NXPE1: variants seen among roughly 807,000 people sequenced by gnomAD.
NXPE1 encodes the protein NXPE family member 1.
Under a neutral mutation model 33.3 loss-of-function variants are expected in NXPE1, and 31 were observed. The ratio of observed to expected loss-of-function variants is 0.93; its 90% confidence interval spans 0.70 to 1.26. The LOEUF (loss-of-function observed/expected upper bound fraction) is 1.26. NXPE1 is among the 50% of genes most tolerant of loss of function. The probability of loss-of-function intolerance (pLI) is 0.00; values close to 1 mark genes in which losing one functional copy is unlikely to be tolerated. For synonymous variants in NXPE1, 229 were observed against 231.4 expected, an observed-to-expected ratio of 0.99 and a Z score of 0.09; for missense variants, 661 against 655.6, an observed-to-expected ratio of 1.01 and a Z score of -0.09.
intron 3 of NXPE1, 26 bp from the exon 4 acceptor site, chr11:114,551,467 A>G: frequency 2.5e-6 from 3 of 1,187,354 alleles, no homozygotes; most frequent in Non-Finnish European, 2.1e-6. Context: ...AAGTCACCTT[A>G]TAGGTTCTCT....
chr11:114,521,924 T>C (rs779443759), exon 9 of NXPE1: 9 of 1,353,420 alleles, frequency 6.6e-6, no homozygotes, highest in Non-Finnish European at 9.3e-6. Flanking sequence ...TGTGGGATTA[T>C]GTGCAGAGAT....
rs200234387 is a variant in NXPE1, at chr11:114,551,255, C to G, written c.-10-44G>C. On this transcript the variant is annotated intron_variant, in intron 4 of 8. Coordinates refer to ENST00000534921, the Ensembl canonical transcript of NXPE1. Reference sequence around the variant, plus strand: ...GAGAGGAGTCGTGAGAAGTGAATCTCTCTGTACTCACTCATTATTTTATTT... The same window carrying G: ...GAGAGGAGTCGTGAGAAGTGAATCTGTCTGTACTCACTCATTATTTTATTT... 2.4e-4 allele frequency: 319 copies of G among 1,341,878 alleles called. 3 individuals carry two copies. The East Asian group carries it at 7.9e-3, about 33-fold the overall frequency. The allele number at this position is 1,341,878 out of a possible 1,614,324, so 83.1% of individuals were successfully genotyped here.
At chr11:114,534,016 C>T (rs1947693427) in intron 5 of NXPE1, among the ~76,000 whole-genome samples, 1 of 152,218 alleles carries the variant, frequency 6.6e-6, no homozygotes, top group African/African-American at 2.4e-5. Context: ...CCCAAGTAGC[C>T]TAACTGGGAG....
At chr11:114,549,756 G>GAGAC (rs1431177684) in intron 5 of NXPE1, among the ~76,000 whole-genome samples, 2 of 151,970 alleles carry the variant, frequency 1.3e-5, no homozygotes, top group East Asian at 3.8e-4. Context: ...AAAGCAATTC[G>GAGAC]AGACACTGGA....
chr11:114,550,704 T>C (rs1948450744), intron 5 of NXPE1, among the ~76,000 whole-genome samples: 1 of 152,054 alleles, frequency 6.6e-6, no homozygotes, highest in Non-Finnish European at 1.5e-5. Flanking sequence ...AAACATGTTA[T>C]AAGGGAAACA....
chr11:114,548,457 A>G (rs1243861641), intron 5 of NXPE1, among the ~76,000 whole-genome samples: 3 of 152,240 alleles, frequency 2.0e-5, no homozygotes, highest in East Asian at 3.9e-4. Context: ...TGGTAGAAAT[A>G]ATAATAAAGG....
At position 114,552,847 on chromosome 11, in the gene NXPE1, C is replaced by T; in HGVS notation, c.-182+5G>A. 1 of 970,520 alleles carries T rather than the reference C, an allele frequency of 1.0e-6. No homozygotes were observed. The highest frequency in any genetic ancestry group is 1.2e-6 in the Non-Finnish European group (1 of 816,360). 60.1% of individuals were successfully genotyped at this position (970,520 alleles called of 1,614,324 possible). ...AACTTATTCTGTAAAATACTGGGTA[C>T]TTACCCAATAGGTGTCAGGTAGCAC... On this transcript the variant is annotated splice_donor_5th_base_variant and intron_variant, in intron 2 of 8. Transcript: ENST00000534921.
chr11:114,551,017 G>C, intron 5 of NXPE1, 86 bp downstream of exon 5: 1 of 700,396 alleles, frequency 1.4e-6, no homozygotes, highest in Non-Finnish European at 2.5e-6. Flanking sequence ...AGGAGGGGCA[G>C]GACTAATGGA....
At chr11:114,530,420 C>T (rs751501970) in exon 6 of NXPE1, 2 of 1,614,120 alleles carry the variant, frequency 1.2e-6, no homozygotes, top group African/African-American at 2.7e-5. Flanking sequence ...AGCCTTGGTT[C>T]CTTGCCCTCC....
Position 114,528,133 on chromosome 11 carries a change from T to C in NXPE1, c.834-232A>G, listed in dbSNP as rs564352082. On this transcript the variant is annotated intron_variant, in intron 6 of 8. Transcript: ENST00000534921. ...AGCAGCTCTACCGATCTGCCACATG[T>C]AATCAGTGTGTCCTGGAATTTTAGA... 3.9e-5 allele frequency among the ~76,000 whole-genome samples: 6 copies of C among 152,330 alleles called. No individual in the cohort carries two copies. In the Middle Eastern group the frequency reaches 0.014, roughly 345 times the overall value.
intron 5 of NXPE1, 38 bp from the exon 6 acceptor site, chr11:114,530,946 C>T: frequency 6.6e-7 from 1 of 1,525,028 alleles, no homozygotes; most frequent in South Asian, 1.3e-5. Flanking sequence ...ATGAAATTAA[C>T]CTGTCTAATC....
At chr11:114,553,911 T>C (rs1948587360) in intron 1 of NXPE1, 1 of 984,578 alleles carries the variant, frequency 1.0e-6, no homozygotes, top group Non-Finnish European at 1.2e-6. Context: ...TCAAAGGCTA[T>C]AAACAGGATT....
chr11:114,527,962 T>C, intron 6 of NXPE1, 61 bp from the exon 7 acceptor site: 1 of 1,305,642 alleles, frequency 7.7e-7, no homozygotes, highest in Non-Finnish European at 1.1e-6. Flanking sequence ...CACAGGTGAA[T>C]CATCTGCTTG....
At position 114,540,209 on chromosome 11, in the gene NXPE1, G is replaced by A. The variant is rs376411329; in HGVS notation, c.100-9301C>T. Among the ~76,000 whole-genome samples, 270 of 152,188 alleles carry A rather than the reference G, an allele frequency of 1.8e-3. 7 individuals are homozygous for A. In the South Asian group the frequency reaches 0.054, roughly 31 times the overall value. On this transcript the variant is annotated intron_variant, in intron 5 of 8. Coordinates refer to ENST00000534921, the Ensembl canonical transcript of NXPE1. The stretch of plus-strand genomic sequence containing the variant: ...TGACCTCAAGTGATCTGCCTGCCTC[G>A]GCCTCCCAAAGTGCTGGGATTACGG...
chr11:114,558,474 C>A (rs114071803), intron 1 of NXPE1, among the ~76,000 whole-genome samples: 2,082 of 152,062 alleles, frequency 0.014, 49 homozygotes, highest in African/African-American at 0.048. Flanking sequence ...TTTCTTAATG[C>A]CTTCTATTAG....
chr11:114,552,801 T>G, intron 2 of NXPE1, 51 bp downstream of exon 2: 1 of 783,160 alleles, frequency 1.3e-6, no homozygotes, highest in Non-Finnish European at 1.5e-6. Context: ...AGATTCTCAA[T>G]CTCCTTTTCA....
At chr11:114,530,569 C>T in exon 6 of NXPE1, 1 of 1,613,982 alleles carries the variant, frequency 6.2e-7, no homozygotes, top group East Asian at 2.2e-5. Context: ...GCCGTCAGTG[C>T]TGGGGAGGAC....
exon 5 of NXPE1, chr11:114,551,206 A>G (rs1948470138): frequency 1.3e-6 from 2 of 1,519,160 alleles, no homozygotes; most frequent in Non-Finnish European, 1.8e-6. Flanking sequence ...GGACATGACG[A>G]ATGTCCTAGG....
chr11:114,538,107 C>A (rs9666168), intron 5 of NXPE1, among the ~76,000 whole-genome samples: 2,072 of 152,118 alleles, frequency 0.014, 49 homozygotes, highest in African/African-American at 0.048. Context: ...CAGAACAGAG[C>A]CCTCAGAAAT....
Sources: allele counts gnomAD v4.1 joint callset (sites outside exome capture counted in the v4.1 genomes callset), GRCh38; gene constraint gnomAD v4.1.1; transcripts MANE v1.5; gene names NCBI Gene and HGNC (gene_info 2026-07-23, HGNC 2026-07-21).